The following FYB1 variants were observed in gnomAD, a reference collection of about 807,000 sequenced individuals.
The protein encoded by FYB1 is FYN-binding protein 1.
Under a neutral mutation model 94.1 loss-of-function variants are expected in FYB1, and 41 were observed. That is an observed-to-expected ratio of 0.44 (90% CI 0.34 to 0.57). FYB1 has a LOEUF of 0.57. Ranked by LOEUF, FYB1 falls within the 20% of genes least tolerant of loss-of-function variation. The pLI is 0.02. For missense variants in FYB1, 1,050 were observed against 976.8 expected (o/e 1.07, Z -1.00); for synonymous variants, 367 against 353.2 (o/e 1.04, Z -0.44).
intron 2 of FYB1, chr5:39,169,063 A>G (rs1470216566): frequency 3.6e-6 from 2 of 552,712 alleles, no homozygotes; most frequent in Non-Finnish European, 6.5e-6. Flanking sequence ...AGGTAGCAGA[A>G]TACTTGCATA....
chr5:39,239,432 G>T (rs1751109964), intron 1 of FYB1, among the ~76,000 whole-genome samples: 1 of 152,044 alleles, frequency 6.6e-6, no homozygotes, highest in African/African-American at 2.4e-5. Context: ...CTGACCAAAA[G>T]CTCCTAGATC....
rs545695717 is a variant in FYB1, at chr5:39,115,124, C to A, written c.2401+3750G>T. On this transcript the variant is annotated intron_variant, in intron 16 of 18. Transcript: ENST00000512982. The stretch of plus-strand genomic sequence containing the variant: ...TTTTTTTTTTTTTTTGAGATGGCGT[C>A]TCGCTCTGTCACCCAGACTGGAGTG... Among the ~76,000 whole-genome samples, 10 of 147,034 alleles carry A rather than the reference C, an allele frequency of 6.8e-5. No individual in the cohort carries two copies. The East Asian group carries it at 2.0e-3, about 30-fold the overall frequency.
upstream of FYB1, among the ~76,000 whole-genome samples, chr5:39,219,840 T>C (rs1750151288): frequency 6.6e-6 from 1 of 152,212 alleles, no homozygotes; most frequent in African/African-American, 2.4e-5. Context: ...CTGTAAGTTC[T>C]TTGGACCCAT....
chr5:39,202,614 T>A lies in FYB1; in HGVS notation c.347A>T (p.Lys116Met), dbSNP rs751192221. 55 of 1,613,776 alleles carry A rather than the reference T, an allele frequency of 3.4e-5. No individual in the cohort carries two copies. The highest frequency in any genetic ancestry group is 4.5e-5 in the Non-Finnish European group (53 of 1,179,876). The change falls in exon 2 of 19, where the codon AAG (lysine) becomes ATG (methionine). Residue 116 changes from lysine to methionine, a missense_variant. Coordinates refer to ENST00000512982, the MANE Select transcript of FYB1 (RefSeq NM_001465.6). ...ATCTTCTTTGGGCAAGTTGATGGGC[T>A]TGGGGCCTACAGGTTTCAGAAATCC... Reference protein sequence around the residue: ...KVGFLKPVGPKPINLPKEDSK... With the variant: ...KVGFLKPVGPMPINLPKEDSK...
intron 2 of FYB1, among the ~76,000 whole-genome samples, chr5:39,167,285 C>T (rs1359275833): frequency 1.3e-5 from 2 of 152,102 alleles, no homozygotes; most frequent in East Asian, 3.9e-4. Flanking sequence ...CTCTCTCTCT[C>T]TCCCTTGTTT....
intron 2 of FYB1, among the ~76,000 whole-genome samples, chr5:39,173,043 C>A (rs1745397447): frequency 6.6e-6 from 1 of 152,172 alleles, no homozygotes; most frequent in Non-Finnish European, 1.5e-5. Flanking sequence ...TCCACCGTGG[C>A]TGAACTACCT....
chr5:39,115,191 G>T (rs891123025), intron 16 of FYB1, among the ~76,000 whole-genome samples: 16 of 151,870 alleles, frequency 1.1e-4, no homozygotes, highest in Non-Finnish European at 2.4e-4. Context: ...TGCCTCCTGG[G>T]TTCAAACAAT....
chr5:39,218,610 A>G (rs1409745608), intron 1 of FYB1, among the ~76,000 whole-genome samples: 2 of 152,242 alleles, frequency 1.3e-5, no homozygotes, highest in African/African-American at 2.4e-5. Context: ...CAACAACTCC[A>G]TGAGATGAGT....
At chr5:39,135,961 T>C (rs1561157159) in intron 7 of FYB1, among the ~76,000 whole-genome samples, 1 of 152,156 alleles carries the variant, frequency 6.6e-6, no homozygotes, top group Non-Finnish European at 1.5e-5. Flanking sequence ...AAAAATATTA[T>C]TTGAATGAAT....
intron 1 of FYB1, among the ~76,000 whole-genome samples, chr5:39,214,693 C>T (rs904594857): frequency 8.5e-5 from 13 of 152,240 alleles, no homozygotes; most frequent in African/African-American, 2.6e-4. Context: ...TTTGGGATGC[C>T]AAGGCAGGCA....
intron 18 of FYB1, among the ~76,000 whole-genome samples, chr5:39,107,862 C>A (rs1738671215): frequency 6.6e-6 from 1 of 151,920 alleles, no homozygotes; most frequent in Admixed American, 6.6e-5. Flanking sequence ...CAGTTTGGAA[C>A]TATATGATGC....
In FYB1 at chr5:39,185,956, G is replaced by A. The variant is rs116189804; in HGVS notation, c.1135+15870C>T. On this transcript the variant is annotated intron_variant, in intron 2 of 18. Transcript: ENST00000512982. ...ACTACGAGTGAGCCCTTGAGTGGGC[G>A]AAGCTGAGCAGAGTCCCGCTGGCTG... Among the ~76,000 whole-genome samples the A allele has an allele frequency of 1.8e-3, 277 of 152,194 alleles. 1 individual carries two copies. The highest frequency in any genetic ancestry group is 6.4e-3 in the African/African-American group (267 of 41,510).
intron 1 of FYB1, among the ~76,000 whole-genome samples, chr5:39,261,333 T>G (rs181799): frequency 9.3e-6 from 1 of 108,074 alleles, no homozygotes; most frequent in East Asian, 3.3e-4. Flanking sequence ...CGTGTGTAGA[T>G]TAAGACACAC....
Position 39,147,697 on chromosome 5 carries a change from CT to C in FYB1, c.1292+5750del, listed in dbSNP as rs548956747. Among the ~76,000 whole-genome samples the C allele has an allele frequency of 6.3e-3, 794 of 125,428 alleles. 3 individuals carry two copies. The highest frequency in any genetic ancestry group is 0.017 in the African/African-American group (584 of 34,142). 82.3% of individuals were successfully genotyped at this position (125,428 alleles called of 152,430 possible). A position where few individuals can be genotyped will look rare whatever the true frequency, so the allele number is the denominator to read the frequency against. ...CTGCAGATGATAAAGTCCACCTTGT[CT>C]TTTTTTTTTTTTTTTTTCTTTTTTT... On this transcript the variant is annotated intron_variant, in intron 3 of 18. Coordinates refer to ENST00000512982, the MANE Select transcript of FYB1 (RefSeq NM_001465.6).
At chr5:39,225,576 G>GT (rs1488331689) in intron 1 of FYB1, among the ~76,000 whole-genome samples, 2 of 152,100 alleles carry the variant, frequency 1.3e-5, no homozygotes, top group African/African-American at 4.8e-5. Context: ...TTCATGAATT[G>GT]TTTTTTATTC....
intron 1 of FYB1, among the ~76,000 whole-genome samples, chr5:39,270,338 T>TC (rs1752621489): frequency 1.3e-5 from 2 of 152,128 alleles, no homozygotes; most frequent in South Asian, 4.1e-4. Flanking sequence ...ACAGTGCTCT[T>TC]CCCCTATTCT....
chr5:39,129,395 C>T (rs1740983471), intron 10 of FYB1, among the ~76,000 whole-genome samples: 1 of 151,896 alleles, frequency 6.6e-6, no homozygotes, highest in South Asian at 2.1e-4. Flanking sequence ...AGACATTGGT[C>T]TAGGTAGAGA....
At chr5:39,251,105 T>G (rs1751693347) in intron 1 of FYB1, among the ~76,000 whole-genome samples, 1 of 152,202 alleles carries the variant, frequency 6.6e-6, no homozygotes, top group South Asian at 2.1e-4. Context: ...TGAATGTATC[T>G]CACTCAAACC....
chr5:39,206,128 G>A (rs1176547202), intron 1 of FYB1, among the ~76,000 whole-genome samples: 1 of 152,192 alleles, frequency 6.6e-6, no homozygotes. Flanking sequence ...TGATATTTAA[G>A]TTTGGTTTAC....
Sources: allele counts gnomAD v4.1 joint callset (sites outside exome capture counted in the v4.1 genomes callset), GRCh38; gene constraint gnomAD v4.1.1; transcripts MANE v1.5; gene names NCBI Gene and HGNC (gene_info 2026-07-23, HGNC 2026-07-21).